BRD10: variants seen among roughly 807,000 people sequenced by gnomAD.
BRD10 encodes uncharacterized bromodomain-containing protein 10.
At chr9:5,996,307 GT>G in the BRD10 span, among the ~76,000 whole-genome samples, 116,895 of 149,660 alleles carry the variant, frequency 0.78, 47,545 homozygotes, top group Non-Finnish European at 0.92. Context: ...ATGTAACTTG[GT>G]TTTTTTTTTT....
the BRD10 span, among the ~76,000 whole-genome samples, chr9:5,893,130 G>A: frequency 7.2e-5 from 11 of 152,170 alleles, no homozygotes; most frequent in African/African-American, 2.2e-4. Context: ...GTATACTGGC[G>A]TGAGACACTG....
chr9:5,929,697 AAG>A, the BRD10 span, among the ~76,000 whole-genome samples: 1 of 152,298 alleles, frequency 6.6e-6, no homozygotes, highest in Non-Finnish European at 1.5e-5. Context: ...ATGCTATACT[AAG>A]AGTTAATAAT....
At chr9:5,911,537 CTTT>C in the BRD10 span, among the ~76,000 whole-genome samples, 2 of 141,188 alleles carry the variant, frequency 1.4e-5, no homozygotes, top group Non-Finnish European at 3.1e-5. Context: ...CTTTTCTTTT[CTTT>C]TCTTTTTTTT....
the BRD10 span, among the ~76,000 whole-genome samples, chr9:5,893,950 G>C: frequency 7.0e-6 from 1 of 142,310 alleles, no homozygotes; most frequent in Non-Finnish European, 1.5e-5. Flanking sequence ...TATCATTCTT[G>C]CTGTGTTGTA....
the BRD10 span, chr9:5,968,130 G>C: frequency 3.2e-6 from 5 of 1,579,244 alleles, no homozygotes; most frequent in Admixed American, 3.7e-5. Context: ...CGCTTTCTCT[G>C]TAAGTTTTCA....
the BRD10 span, among the ~76,000 whole-genome samples, chr9:5,911,057 T>C: frequency 2.0e-5 from 3 of 152,224 alleles, no homozygotes; most frequent in Admixed American, 2.0e-4. Flanking sequence ...GTGATCCTAT[T>C]TGTCCATTTT....
chr9:5,921,252 C>T, the BRD10 span: 6 of 1,613,984 alleles, frequency 3.7e-6, no homozygotes, highest in South Asian at 5.5e-5. Context: ...TTTACAATTG[C>T]TTGACCTATG....
chr9:5,922,317 G>A, the BRD10 span: 1 of 1,613,972 alleles, frequency 6.2e-7, no homozygotes, highest in Non-Finnish European at 8.5e-7. Context: ...GAAATGGTCG[G>A]TGAAGCACTG....
chr9:5,957,763 TC>T, the BRD10 span, among the ~76,000 whole-genome samples: 1 of 152,170 alleles, frequency 6.6e-6, no homozygotes, highest in Non-Finnish European at 1.5e-5. Flanking sequence ...TTTCCTGTAT[TC>T]TTCAGTAAAA....
the BRD10 span, chr9:5,913,984 T>C: frequency 4.4e-6 from 2 of 452,156 alleles, no homozygotes; most frequent in Non-Finnish European, 8.9e-6. Context: ...CTTTCTGCTA[T>C]CAAAACTTGA....
chr9:5,912,527 A>G, the BRD10 span, among the ~76,000 whole-genome samples: 1 of 152,188 alleles, frequency 6.6e-6, no homozygotes, highest in Non-Finnish European at 1.5e-5. Flanking sequence ...ACTGAAATCC[A>G]GGGCTGTTAC....
At chr9:5,923,075 A>T in the BRD10 span, 2 of 1,613,968 alleles carry the variant, frequency 1.2e-6, no homozygotes. Flanking sequence ...TGATTCACTG[A>T]AACAGTCAAT....
At chr9:5,988,261 C>A in the BRD10 span, 1 of 891,536 alleles carries the variant, frequency 1.1e-6, no homozygotes, top group East Asian at 2.4e-5. Flanking sequence ...CATTTTAGAA[C>A]ACTACTAAAA....
the BRD10 span, chr9:5,922,584 A>G: frequency 6.2e-7 from 1 of 1,614,026 alleles, no homozygotes; most frequent in Non-Finnish European, 8.5e-7. Flanking sequence ...TGTGGGAAAG[A>G]TGAACAATGT....
chr9:5,965,056 TAA>T, the BRD10 span, among the ~76,000 whole-genome samples: 13,775 of 118,290 alleles, frequency 0.12, 851 homozygotes, highest in African/African-American at 0.22. Flanking sequence ...TAAAGTATAA[TAA>T]AAAAAAAAAA....
the BRD10 span, among the ~76,000 whole-genome samples, chr9:5,941,181 G>A: frequency 2.0e-5 from 3 of 151,796 alleles, no homozygotes; most frequent in Non-Finnish European, 2.9e-5. Context: ...TATTTAGAAA[G>A]CAATACTATC....
the BRD10 span, among the ~76,000 whole-genome samples, chr9:5,888,480 G>A: frequency 6.6e-6 from 1 of 152,248 alleles, no homozygotes; most frequent in Non-Finnish European, 1.5e-5. Flanking sequence ...CTATGGAAAT[G>A]TTGGACAAAA....
At chr9:5,988,604 C>T in the BRD10 span, 1 of 1,258,180 alleles carries the variant, frequency 7.9e-7, no homozygotes, top group African/African-American at 1.5e-5. Context: ...AATAAACCCC[C>T]TTAGCCAGCA....
the BRD10 span, among the ~76,000 whole-genome samples, chr9:5,894,427 C>T: frequency 1.3e-5 from 2 of 152,290 alleles, no homozygotes; most frequent in Admixed American, 1.3e-4. The surrounding 1 kb of genome is among the most constrained non-coding windows in gnomAD (Gnocchi z 4.0). Flanking sequence ...CTTCTACCCC[C>T]GTGTCTGGGG....
Sources: gnomAD v4.1 joint callset for allele counts (sites outside exome capture counted in the v4.1 genomes callset) on GRCh38, gnomAD v4.1.1 for gene constraint, Gnocchi (gnomAD v3.1) non-coding constraint, MANE v1.5 for transcripts, NCBI Gene and HGNC (gene_info 2026-07-23, HGNC 2026-07-21) for gene names.